KHDRBS2: variants seen among roughly 807,000 people sequenced by gnomAD.
KHDRBS2 encodes the protein KH domain-containing, RNA-binding, signal transduction-associated protein 2.
In KHDRBS2, 26 loss-of-function variants were observed where a neutral mutation model predicts 44.3. The ratio of observed to expected loss-of-function variants is 0.59; its 90% CI spans 0.43 to 0.81. The LOEUF (loss-of-function observed/expected upper bound fraction) is 0.81. Ranked by LOEUF, KHDRBS2 falls within the 40% of genes least tolerant of loss-of-function variation. The pLI is 0.00. For missense variants in KHDRBS2, 476 were observed against 433.1 expected, an observed-to-expected ratio of 1.10 and a Z score of -0.88; for synonymous variants, 194 against 151.1, an observed-to-expected ratio of 1.28 and a Z score of -2.08.
chr6:61,820,953 C>G (rs1789803828), intron 6 of KHDRBS2, among the ~76,000 whole-genome samples: 1 of 151,962 alleles, frequency 6.6e-6, no homozygotes, highest in African/African-American at 2.4e-5. Flanking sequence ...TACATCTACT[C>G]TAATGGGGCT....
intron 8 of KHDRBS2, among the ~76,000 whole-genome samples, chr6:61,682,468 T>C (rs1220403962): frequency 6.6e-6 from 1 of 151,870 alleles, no homozygotes; most frequent in African/African-American, 2.4e-5. Context: ...TTTACTTGGA[T>C]CAGAGGTTGG....
intron 6 of KHDRBS2, among the ~76,000 whole-genome samples, chr6:61,788,424 G>T (rs140114727): frequency 6.6e-6 from 1 of 151,348 alleles, no homozygotes; most frequent in Non-Finnish European, 1.5e-5. Flanking sequence ...TCCAGCTGGG[G>T]TTCTAATGTT....
intron 1 of KHDRBS2, among the ~76,000 whole-genome samples, chr6:62,257,517 T>C (rs919792998): frequency 8.5e-5 from 13 of 152,064 alleles, no homozygotes; most frequent in Admixed American, 1.3e-4. Context: ...AATTTTTACT[T>C]TCCCTCGAAT....
chr6:61,916,089 C>T (rs1408794478), intron 4 of KHDRBS2, among the ~76,000 whole-genome samples: 1 of 152,038 alleles, frequency 6.6e-6, no homozygotes, highest in African/African-American at 2.4e-5. Flanking sequence ...TTCCGAAACA[C>T]TTAATTCTAA....
At chr6:61,717,036 T>A (rs1255269190) in intron 7 of KHDRBS2, among the ~76,000 whole-genome samples, 1 of 152,074 alleles carries the variant, frequency 6.6e-6, no homozygotes, top group South Asian at 2.1e-4. Context: ...TTTCAGTTAC[T>A]ATCTAAAACA....
At chr6:61,544,986 C>T in the KHDRBS2 span, among the ~76,000 whole-genome samples, 25 of 151,960 alleles carry the variant, frequency 1.6e-4, no homozygotes, top group South Asian at 1.0e-3. Context: ...TGCTAAATGA[C>T]GAGTTAATGG....
rs116219426 is a variant in KHDRBS2, at chr6:62,034,897, T to C, written c.336+12981A>G. Among the ~76,000 whole-genome samples, 208 of 151,970 alleles carry C rather than the reference T, an allele frequency of 1.4e-3. 1 individual carries two copies. The highest frequency in any genetic ancestry group is 4.8e-3 in the African/African-American group (198 of 41,510). Reference sequence around the variant, plus strand: ...AATATATGAAAAGGTGTCCACATCATTGATCATCAGAGTAATGCAAATTAA... The same window carrying C: ...AATATATGAAAAGGTGTCCACATCACTGATCATCAGAGTAATGCAAATTAA... On this transcript the variant is annotated intron_variant, in intron 3 of 8. Transcript: ENST00000281156.
chr6:61,845,101 T>C (rs1794182721), intron 6 of KHDRBS2, among the ~76,000 whole-genome samples: 1 of 152,190 alleles, frequency 6.6e-6, no homozygotes, highest in Non-Finnish European at 1.5e-5. Context: ...TCATGACATA[T>C]TTTGTTTCGG....
At chr6:61,741,145 T>A (rs1562071120) in intron 6 of KHDRBS2, among the ~76,000 whole-genome samples, 1 of 151,874 alleles carries the variant, frequency 6.6e-6, no homozygotes, top group Non-Finnish European at 1.5e-5. Flanking sequence ...ATGTTTTTTG[T>A]TTTTTTGTTT....
At chr6:62,020,386 A>G (rs1782036777) in intron 3 of KHDRBS2, among the ~76,000 whole-genome samples, 1 of 151,964 alleles carries the variant, frequency 6.6e-6, no homozygotes, top group Non-Finnish European at 1.5e-5. Flanking sequence ...TAAATGTTCT[A>G]TGTGCACTTG....
chr6:61,614,276 G>A, the KHDRBS2 span, among the ~76,000 whole-genome samples: 2 of 152,122 alleles, frequency 1.3e-5, no homozygotes, highest in Non-Finnish European at 2.9e-5. Flanking sequence ...GAATCAGAGA[G>A]GTATCATGTG....
chr6:61,936,889 A>AT (rs969097216), intron 4 of KHDRBS2, among the ~76,000 whole-genome samples: 5 of 151,922 alleles, frequency 3.3e-5, no homozygotes, highest in Admixed American at 6.6e-5. Flanking sequence ...AAAAAACTTC[A>AT]TTTTTTTGTT....
At chr6:61,559,046 T>C in the KHDRBS2 span, among the ~76,000 whole-genome samples, 1 of 151,236 alleles carries the variant, frequency 6.6e-6, no homozygotes, top group Non-Finnish European at 1.5e-5. Flanking sequence ...TGATGGGGTC[T>C]CTCTCTCTCT....
chr6:62,054,310 A>T (rs975421381), intron 2 of KHDRBS2, among the ~76,000 whole-genome samples: 2 of 152,084 alleles, frequency 1.3e-5, no homozygotes, highest in African/African-American at 4.8e-5. Context: ...AGTATGAAGC[A>T]TCCAGTCCTG....
chr6:61,999,946 C>T (rs1349371186), intron 3 of KHDRBS2, among the ~76,000 whole-genome samples: 1 of 151,786 alleles, frequency 6.6e-6, no homozygotes, highest in Non-Finnish European at 1.5e-5. Context: ...AGTTATTTTC[C>T]CACTACTATA....
chr6:61,648,323 A>G, the KHDRBS2 span, among the ~76,000 whole-genome samples: 132 of 152,184 alleles, frequency 8.7e-4, no homozygotes, highest in African/African-American at 3.0e-3. Context: ...GTCTTTGTTT[A>G]GATAAGGCTA....
intron 2 of KHDRBS2, among the ~76,000 whole-genome samples, chr6:62,055,356 A>G (rs935784035): frequency 6.6e-6 from 1 of 152,066 alleles, no homozygotes; most frequent in Non-Finnish European, 1.5e-5. Flanking sequence ...ATTTAAACAA[A>G]TCAAATTTAA....
chr6:62,000,086 T>C (rs1025569715), intron 3 of KHDRBS2, among the ~76,000 whole-genome samples: 16 of 152,084 alleles, frequency 1.1e-4, no homozygotes, highest in Non-Finnish European at 2.4e-4. Flanking sequence ...ATGGACATCT[T>C]TAGGGGGCCC....
intron 3 of KHDRBS2, 95 bp from the exon 4 acceptor site, chr6:61,978,307 A>T: frequency 2.3e-6 from 2 of 867,920 alleles, no homozygotes; most frequent in Non-Finnish European, 3.4e-6. Context: ...AATTTAAGCA[A>T]ATTTTCCATA....
Sources: gnomAD v4.1 joint callset for allele counts (sites outside exome capture counted in the v4.1 genomes callset) on GRCh38, gnomAD v4.1.1 for gene constraint, MANE v1.5 for transcripts, NCBI Gene and HGNC (gene_info 2026-07-23, HGNC 2026-07-21) for gene names.